LRPAP1: variants seen among roughly 807,000 people sequenced by gnomAD.
LRPAP1 encodes LDL receptor related protein associated protein 1.
LRPAP1 carries 41 observed loss-of-function variants against 39.9 expected under a neutral mutation model. The ratio of observed to expected loss-of-function variants is 1.03; its 90% CI spans 0.80 to 1.33. The LOEUF is 1.33. LRPAP1 is among the 40% of genes most tolerant of loss of function. The pLI is 0.00. For missense variants in LRPAP1, 565 were observed against 482.3 expected, an observed-to-expected ratio of 1.17 and a Z score of -1.61; for synonymous variants, 263 against 212.7, an observed-to-expected ratio of 1.24 and a Z score of -2.06.
In LRPAP1 at chr4:3,505,811, G is replaced by A. The variant is rs1167227894; in HGVS notation, c.*7163C>T. Among the ~76,000 whole-genome samples the A allele has an allele frequency of 2.6e-5, 4 of 152,240 alleles. No homozygotes were observed. Among genetic ancestry groups the A allele is most frequent in the Non-Finnish European group, 4.4e-5 (3 of 68,050 alleles). On this transcript the variant is annotated 3_prime_UTR_variant, in exon 8 of 8. Coordinates refer to ENST00000650182, the MANE Select transcript of LRPAP1 (RefSeq NM_002337.4). ...AGATGCTGGGGAGGTTTCTGTTAGG[G>A]TGGAGCTGGAAGCCATCAAGTTCCT... is the stretch of plus-strand genomic sequence containing the variant.
rs1444087969 is a variant in LRPAP1, at chr4:3,510,061, C to CT, written c.*2912dup. 1.3e-5 allele frequency: 2 copies of CT among 152,192 alleles called. No individual in the cohort carries two copies. The highest frequency in any genetic ancestry group is 2.9e-5 in the Non-Finnish European group (2 of 68,030). The allele number at this position is 152,192 out of a possible 1,614,324, so 9.4% of individuals were successfully genotyped here. A position where few individuals can be genotyped will look rare whatever the true frequency, so the allele number is the denominator to read the frequency against. Reference sequence around the variant, plus strand: ...CAAGGACATAAACAGCCACAAGAATCTTTAAAAAGAAGAGTTGGAAAATGC... The same window carrying CT: ...CAAGGACATAAACAGCCACAAGAATCTTTTAAAAAGAAGAGTTGGAAAATGC... On this transcript the variant is annotated 3_prime_UTR_variant, in exon 8 of 8. Transcript: ENST00000650182.
Position 3,506,396 on chromosome 4 carries a change from GA to G in LRPAP1, c.*6577del, listed in dbSNP as rs1729356479. 2 of 140,104 alleles carry G rather than the reference GA, an allele frequency of 1.4e-5. No individual in the cohort carries two copies. Among genetic ancestry groups the G allele is most frequent in the East Asian group, 2.2e-4 (1 of 4,632 alleles). The allele number at this position is 140,104 out of a possible 1,614,324, so 8.7% of individuals were successfully genotyped here. ...CTGGGTTTTTTTTTTTTTTTGAGGC[GA>G]AGTCTTGCTCTTGTCCCCAGGCCGG... On this transcript the variant is annotated 3_prime_UTR_variant, in exon 8 of 8. Coordinates refer to ENST00000650182, the MANE Select transcript of LRPAP1 (RefSeq NM_002337.4).
At chr4:3,531,975 G>A in intron 1 of LRPAP1, 1 of 576,406 alleles carries the variant, frequency 1.7e-6, no homozygotes, top group Non-Finnish European at 3.0e-6. Context: ...CGGGGTGCCG[G>A]CCGCCACCTG....
chr4:3,514,687 T>C, intron 7 of LRPAP1, 65 bp downstream of exon 7: 11 of 1,528,716 alleles, frequency 7.2e-6, no homozygotes, highest in Admixed American at 3.8e-5. Context: ...CTGAGCTGCA[T>C]GTGGGCGGCC....
chr4:3,518,991 C>A lies in LRPAP1; in HGVS notation c.472G>T (p.Ala158Ser). ...CCGGAGAATTTCCCAGAGGTCTTCG[C>A]CTAAGAGGGAAACAAGGCCTGGAGT... is the stretch of plus-strand genomic sequence containing the variant. ...DPRLEKLWHK[A>S]KTSGKFSGEE... is the part of the protein sequence containing the mutation. Residue 158 changes from alanine (A) to serine (S), a missense_variant and splice_region_variant, in exon 4 of 8, where the codon GCG becomes TCG. By Grantham distance (99) the Ala-to-Ser change is moderately conservative. Transcript: ENST00000650182. 1 of 1,613,338 alleles carries A rather than the reference C, an allele frequency of 6.2e-7. No homozygotes were observed. The highest frequency in any genetic ancestry group is 8.5e-7 in the Non-Finnish European group (1 of 1,179,542).
At chr4:3,525,084 G>T in intron 1 of LRPAP1, 33 bp from the exon 2 acceptor site, 3 of 1,612,358 alleles carry the variant, frequency 1.9e-6, no homozygotes, top group African/African-American at 1.3e-5. Context: ...TGTGAGCCAC[G>T]AGCAGGACGG....
At chr4:3,528,873 C>T (rs1730156145) in intron 1 of LRPAP1, among the ~76,000 whole-genome samples, 1 of 152,190 alleles carries the variant, frequency 6.6e-6, no homozygotes. Flanking sequence ...GCTGGCCCAT[C>T]CTCAGAGGCC....
At chr4:3,513,454 C>T (rs940314262) in intron 7 of LRPAP1, among the ~76,000 whole-genome samples, 3 of 152,096 alleles carry the variant, frequency 2.0e-5, no homozygotes, top group African/African-American at 7.2e-5. Flanking sequence ...ACTACAGGTG[C>T]CCACCGCCAC....
At chr4:3,518,399 C>T (rs906717799) in intron 4 of LRPAP1, among the ~76,000 whole-genome samples, 5 of 137,120 alleles carry the variant, frequency 3.6e-5, no homozygotes, top group East Asian at 2.1e-4. Context: ...CGCCGGGACA[C>T]GCGCACCAAG....
rs1253778500 is a variant in LRPAP1, at chr4:3,522,624, A to T, written c.349+2283T>A. 7.5e-4 allele frequency among the ~76,000 whole-genome samples: 57 copies of T among 76,222 alleles called. 13 individuals carry two copies. The highest frequency in any genetic ancestry group is 6.8e-3 in the Middle Eastern group (1 of 146). 50.0% of individuals were successfully genotyped at this position (76,222 alleles called of 152,430 possible). ...GCCCCACACCCCCTGCCTGGGGAGG[A>T]CAGACGCCGCCCCACACCCCCTGCC... is the stretch of plus-strand genomic sequence containing the variant. On this transcript the variant is annotated intron_variant, in intron 2 of 7. Transcript: ENST00000650182.
chr4:3,522,664 G>A (rs148668604), intron 2 of LRPAP1, among the ~76,000 whole-genome samples: 9 of 98,700 alleles, frequency 9.1e-5, no homozygotes, highest in African/African-American at 1.4e-4. Context: ...GAGGACGGAC[G>A]CCGCCCCACA....
chr4:3,526,849 C>T (rs1374240329), intron 1 of LRPAP1, among the ~76,000 whole-genome samples: 1 of 152,228 alleles, frequency 6.6e-6, no homozygotes, highest in Admixed American at 6.5e-5. Flanking sequence ...GCTCCGCCCT[C>T]TCTTCTCTCA....
chr4:3,522,608 C>T lies in LRPAP1; in HGVS notation c.349+2299G>A, dbSNP rs1362791501. On this transcript the variant is annotated intron_variant, in intron 2 of 7. Transcript: ENST00000650182. ...GGGGAAGTCGGACGCCGCCCCACACCCCCTGCCTGGGGAGGACAGACGCCG... is the reference window on the plus strand; with the variant it reads ...GGGGAAGTCGGACGCCGCCCCACACTCCCTGCCTGGGGAGGACAGACGCCG... Among the ~76,000 whole-genome samples, 178 of 44,188 alleles carry T rather than the reference C, an allele frequency of 4.0e-3. 58 individuals carry two copies. The highest frequency in any genetic ancestry group is 0.014 in the Middle Eastern group (1 of 72). The allele number at this position is 44,188 out of a possible 152,430, so 29.0% of individuals were successfully genotyped here. A position where few individuals can be genotyped will look rare whatever the true frequency, so the allele number is the denominator to read the frequency against.
chr4:3,517,048 A>C (rs1794445), intron 5 of LRPAP1, among the ~76,000 whole-genome samples: 108,794 of 152,176 alleles, frequency 0.71, 39,268 homozygotes, highest in East Asian at 0.92. Flanking sequence ...CCAGCACAGG[A>C]ACTCAGCAAA....
At chr4:3,531,564 CCCGGGGGGCCCCA>C (rs1201689208) in intron 1 of LRPAP1, among the ~76,000 whole-genome samples, 1 of 152,200 alleles carries the variant, frequency 6.6e-6, no homozygotes, top group Non-Finnish European at 1.5e-5. Flanking sequence ...AAGCTGTTGT[CCCGGGGGGCCCCA>C]CCGGCCGAGC....
chr4:3,517,323 G>T (rs1729743429), intron 5 of LRPAP1, among the ~76,000 whole-genome samples: 1 of 152,248 alleles, frequency 6.6e-6, no homozygotes, highest in Non-Finnish European at 1.5e-5. Flanking sequence ...TGGCACCGGG[G>T]ACAGAGACCA....
Position 3,514,871 on chromosome 4 carries a change from GCTGCTTCTGGTAGTGGT to G in LRPAP1, c.875_891del (p.Asn292ThrfsTer109). The G allele has an allele frequency of 1.9e-6, 3 of 1,613,928 alleles. No individual in the cohort carries two copies. Among genetic ancestry groups the G allele is most frequent in the Non-Finnish European group, 2.5e-6 (3 of 1,179,934 alleles). ...CTCAGCTTCTCGTGCGCAATCTCCA[GCTGCTTCTGGTAGTGGT>G]TGTGCTTCTCGATTTTGGCTTCGAA... On this transcript the variant is annotated frameshift_variant, in exon 7 of 8. Coordinates refer to ENST00000650182, the MANE Select transcript of LRPAP1 (RefSeq NM_002337.4). LOFTEE classifies it high-confidence loss of function.
chr4:3,513,073 C>A (rs371996146), intron 7 of LRPAP1, 37 bp from the exon 8 acceptor site: 2 of 1,540,204 alleles, frequency 1.3e-6, no homozygotes, highest in Non-Finnish European at 1.8e-6. Context: ...GGGGACAGCG[C>A]GCCTCGAGGC....
At position 3,524,915 on chromosome 4, in the gene LRPAP1, T is replaced by A. The variant is rs2228158; in HGVS notation, c.341A>T (p.Asn114Ile). ...DGEKEARLIRNLNVILAKYGL... is the reference protein window; with the variant it reads ...DGEKEARLIRILNVILAKYGL... The stretch of plus-strand genomic sequence containing the variant: ...GAAAGAAACAAACGTACCATTGAGG[T>A]TGCGTATGAGTCTCGCTTCCTTCTC... Residue 114 changes from asparagine to isoleucine, a missense_variant, in exon 2 of 8, where the codon AAC (asparagine) becomes ATC (isoleucine). Coordinates refer to ENST00000650182, the MANE Select transcript of LRPAP1 (RefSeq NM_002337.4). The A allele has an allele frequency of 9.3e-6, 15 of 1,614,176 alleles. No individual in the cohort carries two copies. The highest frequency in any genetic ancestry group is 1.0e-5 in the Non-Finnish European group (12 of 1,180,018).
Sources: allele counts gnomAD v4.1 joint callset (sites outside exome capture counted in the v4.1 genomes callset), GRCh38; gene constraint gnomAD v4.1.1; transcripts MANE v1.5; gene names NCBI Gene and HGNC (gene_info 2026-07-23, HGNC 2026-07-21).